The following ATAD3B variants were observed in gnomAD, a reference collection of about 807,000 sequenced individuals.
ATAD3B encodes ATPase family AAA domain-containing protein 3B.
In ATAD3B, 59 loss-of-function variants were observed where a neutral mutation model predicts 70.2. The observed-to-expected ratio is 0.84, with a 90% confidence interval of 0.68 to 1.04. The LOEUF is 1.04. ATAD3B is among the 50% of genes least tolerant of loss of function. ATAD3B has a pLI of 0.00. For missense variants in ATAD3B, 961 were observed against 913.4 expected, an observed-to-expected ratio of 1.05 and a Z score of -0.67; for synonymous variants, 423 against 388.6, an observed-to-expected ratio of 1.09 and a Z score of -1.04.
chr1:1,478,169 G>T (rs1639696043), intron 2 of ATAD3B: 5 of 259,290 alleles, frequency 1.9e-5, no homozygotes, highest in Non-Finnish European at 3.0e-5. Context: ...GCGAATTTTT[G>T]TATTTTTAGT....
chr1:1,504,424 C>T, the ATAD3B span, among the ~76,000 whole-genome samples: 2 of 151,692 alleles, frequency 1.3e-5, no homozygotes, highest in African/African-American at 2.4e-5. Context: ...CCGAGGTGGG[C>T]GAATCATCTG....
downstream of ATAD3B, among the ~76,000 whole-genome samples, chr1:1,501,897 T>G (rs1402436995): frequency 6.6e-6 from 1 of 152,102 alleles, no homozygotes; most frequent in East Asian, 1.9e-4. Context: ...TTGTTTTTTT[T>G]GAGATGGAGT....
In ATAD3B at chr1:1,479,239, A is replaced by G. The variant is rs978191547; in HGVS notation, c.444+131A>G. On this transcript the variant is annotated intron_variant, in intron 4 of 15. Transcript: ENST00000673477. The stretch of plus-strand genomic sequence containing the variant: ...CTGACGGTGGGTGCTAGAGCAGGGG[A>G]AACTACTCGGACAGACACGCACCAG... 18 of 1,139,272 alleles carry G rather than the reference A, an allele frequency of 1.6e-5. 1 individual carries two copies. In the East Asian group the frequency reaches 2.0e-4, roughly 13 times the overall value. The allele number at this position is 1,139,272 out of a possible 1,614,324, so 70.6% of individuals were successfully genotyped here.
chr1:1,507,531 A>G, the ATAD3B span, among the ~76,000 whole-genome samples: 2 of 152,226 alleles, frequency 1.3e-5, no homozygotes, highest in African/African-American at 4.8e-5. Flanking sequence ...CTTGCATTCC[A>G]GGAATAAATC....
chr1:1,501,463 T>G (rs9439453), downstream of ATAD3B, among the ~76,000 whole-genome samples: 33 of 152,194 alleles, frequency 2.2e-4, no homozygotes, highest in African/African-American at 5.8e-4. Context: ...CACCGTGTTA[T>G]CCAGGATGGT....
the ATAD3B span, among the ~76,000 whole-genome samples, chr1:1,508,454 G>A: frequency 4.1e-4 from 62 of 151,504 alleles, 5 homozygotes; most frequent in Middle Eastern, 3.4e-3. Context: ...CTAGGGACCC[G>A]CTCAGCTGTC....
Position 1,490,374 on chromosome 1 carries a change from G to A in ATAD3B, c.1455G>A (p.Val485=), listed in dbSNP as rs1268070547. Residue 485 remains valine, a synonymous_variant, in exon 14 of 16, where the codon GTG becomes GTA. Transcript: ENST00000673477. ...LPQQEERERL[V]RLHFDNCVLK... is the part of the protein sequence containing the mutation. ...AGCAGGAGGAGCGGGAGCGCCTGGT[G>A]AGACTGCATTTTGACAACTGTGTTC... The A allele has an allele frequency of 1.9e-6, 3 of 1,613,516 alleles. No homozygotes were observed. Among genetic ancestry groups the A allele is most frequent in the African/African-American group, 1.3e-5 (1 of 75,058 alleles).
chr1:1,503,668 G>C, the ATAD3B span: 2 of 1,611,610 alleles, frequency 1.2e-6, no homozygotes, highest in Non-Finnish European at 8.5e-7. Context: ...CAAAGTGAGT[G>C]GGGCCGGTGT....
chr1:1,498,739 G>C (rs547643405), downstream of ATAD3B, among the ~76,000 whole-genome samples: 1 of 151,186 alleles, frequency 6.6e-6, no homozygotes, highest in Non-Finnish European at 1.5e-5. Context: ...GTCTCACTCC[G>C]TCGCCCAGGC....
intron 15 of ATAD3B, among the ~76,000 whole-genome samples, chr1:1,494,373 G>A (rs1640675029): frequency 6.6e-6 from 1 of 151,836 alleles, no homozygotes; most frequent in Admixed American, 6.6e-5. Flanking sequence ...CCTCTCTTGG[G>A]TGGGCTCAAG....
the ATAD3B span, among the ~76,000 whole-genome samples, chr1:1,503,953 T>A: frequency 6.6e-6 from 1 of 152,106 alleles, no homozygotes; most frequent in East Asian, 1.9e-4. Flanking sequence ...GCAGAATTTT[T>A]TTTGCATTGC....
chr1:1,478,532 A>G (rs1168864029), intron 2 of ATAD3B, 112 bp from the exon 3 acceptor site: 13 of 1,549,946 alleles, frequency 8.4e-6, no homozygotes, highest in Admixed American at 5.9e-5. Context: ...TGCTGCACAC[A>G]CTAGTCTGGG....
chr1:1,494,799 A>G (rs570947611), intron 15 of ATAD3B, among the ~76,000 whole-genome samples: 1 of 151,578 alleles, frequency 6.6e-6, no homozygotes, highest in Admixed American at 6.6e-5. Context: ...GTCCTGGTGC[A>G]CTCCTGAGCA....
chr1:1,477,703 T>TTTTATTTTATTTTA (rs1639665720), intron 2 of ATAD3B, among the ~76,000 whole-genome samples: 1 of 151,022 alleles, frequency 6.6e-6, no homozygotes, highest in African/African-American at 2.4e-5. Flanking sequence ...TTTTATTTTA[T>TTTTATTTTATTTTA]TTTATTTTAT....
chr1:1,507,077 G>T, the ATAD3B span, among the ~76,000 whole-genome samples: 1 of 152,280 alleles, frequency 6.6e-6, no homozygotes, highest in Non-Finnish European at 1.5e-5. Context: ...GTGAGCCACC[G>T]CCCGCGCCCA....
At chr1:1,488,056 G>A in intron 12 of ATAD3B, 142 bp downstream of exon 12, 1 of 1,223,620 alleles carries the variant, frequency 8.2e-7, no homozygotes, top group Non-Finnish European at 1.2e-6. Flanking sequence ...CTGGGTTCAA[G>A]CTGCTCTCCT....
downstream of ATAD3B, among the ~76,000 whole-genome samples, chr1:1,501,268 T>G (rs1464401653): frequency 6.6e-6 from 1 of 150,944 alleles, no homozygotes; most frequent in Non-Finnish European, 1.5e-5. Context: ...GTATTTTTTT[T>G]TTTTGAGACG....
intron 4 of ATAD3B, among the ~76,000 whole-genome samples, chr1:1,479,613 C>T (rs1639793316): frequency 6.9e-6 from 1 of 145,632 alleles, no homozygotes; most frequent in Admixed American, 6.9e-5. Context: ...CATACACCCC[C>T]ACACAGGGGC....
At chr1:1,489,444 T>G (rs990766604) in intron 13 of ATAD3B, 170 bp downstream of exon 13, 1 of 1,256,338 alleles carries the variant, frequency 8.0e-7, no homozygotes, top group African/African-American at 1.5e-5. Context: ...CGGGGTGTCA[T>G]TGAGGAACAT....
Sources: allele counts gnomAD v4.1 joint callset (sites outside exome capture counted in the v4.1 genomes callset), GRCh38; gene constraint gnomAD v4.1.1; transcripts MANE v1.5; gene names NCBI Gene and HGNC (gene_info 2026-07-23, HGNC 2026-07-21).